NWD1: variants seen among roughly 807,000 people sequenced by gnomAD.
NWD1 encodes NACHT domain- and WD repeat-containing protein 1.
NWD1 carries 129 observed loss-of-function variants against 135.1 expected under a neutral mutation model. The observed-to-expected ratio is 0.96, with a 90% CI of 0.83 to 1.11. NWD1 has a LOEUF of 1.11. Among genes scored for constraint, NWD1 ranks in the 50% least tolerant of loss-of-function variants. The pLI, the probability that NWD1 is intolerant of heterozygous loss-of-function variation, is 0.00. For missense variants in NWD1, 1,740 were observed against 1,851.3 expected (o/e 0.94, Z 1.10); for synonymous variants, 773 against 786.0 (o/e 0.98, Z 0.28).
At position 16,807,912 on chromosome 19, in the gene NWD1, G is replaced by A; in HGVS notation, c.4063G>A (p.Ala1355Thr). Residue 1355 changes from alanine (A) to threonine (T), a missense_variant, in exon 18 of 19, where the codon GCC becomes ACC. By Grantham distance (58) the Ala-to-Thr change is moderately conservative. Transcript: ENST00000524140. ...GCTGCCCGAGACCCTCTCCAGCGTGGCCATTCTGACGGACTACCGCGTGGT... is the reference window on the plus strand; with the variant it reads ...GCTGCCCGAGACCCTCTCCAGCGTGACCATTCTGACGGACTACCGCGTGGT... ...TQLPETLSSV[A>T]ILTDYRVVYS... 1.2e-6 allele frequency: 2 copies of A among 1,614,180 alleles called. No individual in the cohort carries two copies. The highest frequency in any genetic ancestry group is 1.7e-6 in the Non-Finnish European group (2 of 1,180,034).
chr19:16,766,016 CA>C (rs35265751), intron 10 of NWD1, among the ~76,000 whole-genome samples: 24,000 of 91,540 alleles, frequency 0.26, 1,107 homozygotes, highest in Middle Eastern at 0.43. Flanking sequence ...GACTCCGTCT[CA>C]AAAAAAAAAA....
chr19:16,767,577 G>A (rs1019502775), intron 10 of NWD1, among the ~76,000 whole-genome samples: 3 of 151,796 alleles, frequency 2.0e-5, no homozygotes, highest in South Asian at 2.1e-4. Context: ...ATCCCACCAT[G>A]CACTCCAGCC....
In NWD1 at chr19:16,750,108, A is replaced by C; in HGVS notation, c.1466A>C (p.Tyr489Ser). 1.2e-6 allele frequency: 2 copies of C among 1,614,026 alleles called. No homozygotes were observed. The highest frequency in any genetic ancestry group is 1.7e-6 in the Non-Finnish European group (2 of 1,180,010). The change falls in exon 6 of 19, where the codon TAC becomes TCC. Residue 489 changes from tyrosine to serine, a missense_variant. By Grantham distance (144) the Tyr-to-Ser change is moderately radical (BLOSUM62 -2). Transcript: ENST00000524140. ...CGGGTGCTCCTGGACCCGGAGGCCT[A>C]CTGGGAGGTGAAGCCCCTTTCCGGA... ...LQRVLLDPEA[Y>S]WEVKPLSGNQ... is the part of the protein sequence containing the mutation.
chr19:16,772,186 C>G (rs940384948), intron 10 of NWD1, among the ~76,000 whole-genome samples: 5 of 151,790 alleles, frequency 3.3e-5, no homozygotes, highest in Non-Finnish European at 7.4e-5. Context: ...GGCAACATAA[C>G]GAGACCCCGT....
At chr19:16,754,964 A>C (rs868589491) in intron 6 of NWD1, among the ~76,000 whole-genome samples, 1 of 152,168 alleles carries the variant, frequency 6.6e-6, no homozygotes. Context: ...AAATATGTAT[A>C]GTCTCAATCT....
In NWD1 at chr19:16,752,164, C is replaced by T. The variant is rs1019865408; in HGVS notation, c.1769+1753C>T. ...ACTGGCCAACAGCAAACACTCAAAA[C>T]CATCATCCAAAATGCTGGACGACAT... On this transcript the variant is annotated intron_variant, in intron 6 of 18. Transcript: ENST00000524140. 3.9e-5 allele frequency among the ~76,000 whole-genome samples: 6 copies of T among 152,042 alleles called. No homozygotes were observed. The East Asian group carries it at 1.2e-3, about 29-fold the overall frequency.
rs1387508955 is a variant in NWD1 at position 16,779,351 on chromosome 19, GC to G, written c.2619del (p.Met874TrpfsTer11). ...CCTCTGTGTGGCTGCAGGCATCACCGCCATGGCATGGGGTGTGGAGGAGAAG... is the reference window on the plus strand; with the variant it reads ...CCTCTGTGTGGCTGCAGGCATCACCGCATGGCATGGGGTGTGGAGGAGAAG... ...TLSGCHKGIT[A>X]MAWGVEEKLL... On this transcript the variant is annotated frameshift_variant, in exon 12 of 19. Transcript: ENST00000524140. LOFTEE classifies it high-confidence loss of function. The G allele has an allele frequency of 1.7e-5, 27 of 1,613,910 alleles. No homozygotes were observed. The highest frequency in any genetic ancestry group is 1.7e-4 in the Middle Eastern group (1 of 6,026).
At chr19:16,782,428 T>C (rs1969888414) in intron 12 of NWD1, among the ~76,000 whole-genome samples, 1 of 152,014 alleles carries the variant, frequency 6.6e-6, no homozygotes, top group South Asian at 2.1e-4. Flanking sequence ...TTTGCACCAC[T>C]GTATTCCATC....
At chr19:16,740,642 ATTTTTTTTTT>A (rs1162769783) in intron 4 of NWD1, among the ~76,000 whole-genome samples, 2 of 112,968 alleles carry the variant, frequency 1.8e-5, no homozygotes, top group African/African-American at 6.9e-5. Flanking sequence ...CCAGACTTCT[ATTTTTTTTTT>A]TTTTTTTTTT....
chr19:16,765,754 C>G (rs1269018375), intron 10 of NWD1, among the ~76,000 whole-genome samples: 1 of 152,104 alleles, frequency 6.6e-6, no homozygotes, highest in East Asian at 1.9e-4. Context: ...CGCAGTGGCT[C>G]ACACCTGTAA....
intron 8 of NWD1, among the ~76,000 whole-genome samples, chr19:16,762,626 G>A (rs1969067144): frequency 6.6e-6 from 1 of 152,158 alleles, no homozygotes; most frequent in Non-Finnish European, 1.5e-5. Flanking sequence ...TTATATAACT[G>A]TTGTATAATG....
At chr19:16,740,331 GA>G (rs1417152572) in intron 4 of NWD1, among the ~76,000 whole-genome samples, 4 of 151,832 alleles carry the variant, frequency 2.6e-5, no homozygotes, top group Non-Finnish European at 5.9e-5. Flanking sequence ...GAATAGAAAA[GA>G]AATTATTATT....
chr19:16,768,989 G>T (rs1212136038), intron 10 of NWD1, among the ~76,000 whole-genome samples: 1 of 151,304 alleles, frequency 6.6e-6, no homozygotes, highest in East Asian at 2.0e-4. Context: ...GCCTACTTTG[G>T]ATTCATTCTT....
intron 13 of NWD1, among the ~76,000 whole-genome samples, chr19:16,790,093 A>G (rs1375496951): frequency 6.6e-6 from 1 of 152,162 alleles, no homozygotes; most frequent in Non-Finnish European, 1.5e-5. Context: ...CCATTACATC[A>G]ATCATAACCC....
intron 11 of NWD1, among the ~76,000 whole-genome samples, chr19:16,776,591 T>C (rs1182284082): frequency 7.3e-6 from 1 of 136,514 alleles, no homozygotes. Flanking sequence ...AAATGAAAAG[T>C]ATGAGTTAAT....
chr19:16,788,285 A>G (rs1461276596), intron 12 of NWD1, among the ~76,000 whole-genome samples: 1 of 136,770 alleles, frequency 7.3e-6, no homozygotes, highest in East Asian at 2.1e-4. Flanking sequence ...AATAATAATA[A>G]AAGGCCAGGC....
intron 4 of NWD1, among the ~76,000 whole-genome samples, chr19:16,738,566 CAAAAAAAA>C (rs770498066): frequency 1.1e-5 from 1 of 91,530 alleles, no homozygotes; most frequent in Non-Finnish European, 2.2e-5. Flanking sequence ...GAGACTCTGT[CAAAAAAAA>C]AAAAAAAAAA....
intron 5 of NWD1, among the ~76,000 whole-genome samples, chr19:16,746,698 A>C (rs1468455443): frequency 3.9e-5 from 6 of 152,064 alleles, no homozygotes; most frequent in Non-Finnish European, 7.4e-5. Context: ...AACAACAAAA[A>C]AAAACAGTCG....
Position 16,763,923 on chromosome 19 carries a change from G to T in NWD1, c.2229G>T (p.Glu743Asp). The T allele has an allele frequency of 6.2e-7, 1 of 1,612,760 alleles. No individual in the cohort carries two copies. The highest frequency in any genetic ancestry group is 1.1e-5 in the South Asian group (1 of 91,050). Residue 743 changes from glutamate to aspartate, a missense_variant, in exon 9 of 19, where the codon GAG (glutamate) becomes GAT (aspartate). Physicochemically the swap from Glu to Asp is conservative, Grantham distance 45. Transcript: ENST00000524140. ...ACCTGCTTCACTCGGGCCGCCTGGA[G>T]GAGCTGAAACAGGAGGTTCTGGGTA... is the stretch of plus-strand genomic sequence containing the variant. The part of the protein sequence containing the change: ...PYHLLHSGRL[E>D]ELKQEVLGSM...
Sources: allele counts gnomAD v4.1 joint callset (sites outside exome capture counted in the v4.1 genomes callset), GRCh38; gene constraint gnomAD v4.1.1; transcripts MANE v1.5; gene names NCBI Gene and HGNC (gene_info 2026-07-23, HGNC 2026-07-21).